Variants in ESYT3 observed in about 807,000 individuals in gnomAD.
The protein encoded by ESYT3 is extended synaptotagmin 3.
A neutral mutation model predicts 111.5 loss-of-function variants in ESYT3; 101 were observed. The ratio of observed to expected loss-of-function variants is 0.91; its 90% CI spans 0.77 to 1.07. The LOEUF (loss-of-function observed/expected upper bound fraction) is 1.07, where lower values mean the gene tolerates loss of function less well. ESYT3 is among the 50% of genes least tolerant of loss of function. The pLI, the probability that ESYT3 is intolerant of heterozygous loss-of-function variation, is 0.00. For missense variants in ESYT3, 1,097 were observed against 1,109.4 expected (o/e 0.99, Z 0.16); for synonymous variants, 416 against 446.8 (o/e 0.93, Z 0.87).
chr3:138,474,183 CTTTTTT>C lies in ESYT3; in HGVS notation c.2337-31_2337-26del, dbSNP rs750997203. On this transcript the variant is annotated intron_variant, in intron 19 of 22. Transcript: ENST00000389567. ...TGTTCAGTGTTTGAAAACCAGGGCCCTTTTTTTTTTTTCCTAATGTCTTTGACACCA... is the reference window on the plus strand; with the variant it reads ...TGTTCAGTGTTTGAAAACCAGGGCCCTTTTTTCCTAATGTCTTTGACACCA... 5.7e-6 allele frequency: 7 copies of C among 1,222,934 alleles called. No individual in the cohort carries two copies. In the East Asian group the frequency reaches 2.0e-4, roughly 34 times the overall value. The allele number at this position is 1,222,934 out of a possible 1,614,324, so 75.8% of individuals were successfully genotyped here. A position where few individuals can be genotyped will look rare whatever the true frequency, so the allele number is the denominator to read the frequency against.
intron 1 of ESYT3, among the ~76,000 whole-genome samples, chr3:138,448,453 C>CA (rs2031704614): frequency 6.6e-6 from 1 of 151,020 alleles, no homozygotes; most frequent in African/African-American, 2.5e-5. Flanking sequence ...AGTAGATTCC[C>CA]AAGTCAAGGA....
At chr3:138,471,814 G>C (rs1314614394) in intron 17 of ESYT3, among the ~76,000 whole-genome samples, 2 of 152,148 alleles carry the variant, frequency 1.3e-5, no homozygotes, top group Non-Finnish European at 2.9e-5. Flanking sequence ...GATCCCATAG[G>C]TAGCTCATAT....
At chr3:138,465,490 C>A in intron 10 of ESYT3, 69 bp downstream of exon 10, 1 of 1,269,176 alleles carries the variant, frequency 7.9e-7, no homozygotes, top group Non-Finnish European at 1.1e-6. Flanking sequence ...GGGCTAGATA[C>A]CCTGCTCCTA....
intron 17 of ESYT3, 151 bp from the exon 18 acceptor site, chr3:138,472,212 T>A: frequency 1.0e-6 from 1 of 1,001,674 alleles, no homozygotes; most frequent in East Asian, 2.4e-5. Context: ...TTTCAGAATA[T>A]TTGGAACACC....
Position 138,477,938 on chromosome 3 carries a change from GTTACTCTTATTC to G in ESYT3, c.*1085_*1096del. 6.6e-6 allele frequency: 1 copy of G among 152,250 alleles called. No individual in the cohort carries two copies. The highest frequency in any genetic ancestry group is 6.5e-5 in the Admixed American group (1 of 15,290). The allele number at this position is 152,250 out of a possible 1,614,324, so 9.4% of individuals were successfully genotyped here. A position where few individuals can be genotyped will look rare whatever the true frequency, so the allele number is the denominator to read the frequency against. ...ACATTCGAGAACAAAGTTTTGTCAT[GTTACTCTTATTC>G]CAGTTTCCTGCCATCTGATTCACAT... On this transcript the variant is annotated 3_prime_UTR_variant, in exon 23 of 23. Transcript: ENST00000389567.
intron 18 of ESYT3, 59 bp downstream of exon 18, chr3:138,472,918 G>GA: frequency 2.4e-5 from 37 of 1,549,746 alleles, no homozygotes; most frequent in Non-Finnish European, 3.1e-5. Context: ...TACCTCGCTG[G>GA]ATGGAAAAGT....
rs371839516 is a variant in ESYT3, at chr3:138,464,310, A to G, written c.916-35A>G. The stretch of plus-strand genomic sequence containing the variant: ...ACTCCAGGACTTGGAGGCCCCAGGA[A>G]GCAGCTGTGAGCCCTGGGCTTGGAC... On this transcript the variant is annotated intron_variant, in intron 8 of 22. Transcript: ENST00000389567. 1.3e-4 allele frequency: 206 copies of G among 1,609,834 alleles called. No individual in the cohort carries two copies. The African/African-American group carries it at 2.5e-3, about 20-fold the overall frequency.
chr3:138,468,097 C>A lies in ESYT3; in HGVS notation c.1219-8C>A. ...CTTTTCCCTGAGCTTTCTGCCCCTA[C>A]CCCACAGTGGTTTGTCCTGAATGAC... On this transcript the variant is annotated splice_region_variant and splice_polypyrimidine_tract_variant and intron_variant, in intron 11 of 22. Transcript: ENST00000389567. The A allele has an allele frequency of 1.2e-6, 2 of 1,614,034 alleles. No homozygotes were observed. Among genetic ancestry groups the A allele is most frequent in the African/African-American group, 2.7e-5 (2 of 75,028 alleles).
At chr3:138,452,415 C>T (rs1457197388) in intron 2 of ESYT3, among the ~76,000 whole-genome samples, 5 of 152,188 alleles carry the variant, frequency 3.3e-5, no homozygotes, top group Non-Finnish European at 7.3e-5. Context: ...CTGGACACTG[C>T]CTGGTTTCCT....
At chr3:138,448,600 C>G (rs1292486483) in intron 1 of ESYT3, among the ~76,000 whole-genome samples, 2 of 152,082 alleles carry the variant, frequency 1.3e-5, no homozygotes, top group African/African-American at 4.8e-5. Context: ...TGAAAGCCAA[C>G]AGATGAAAAT....
rs1459647623 is a variant in ESYT3 at position 138,434,648 on chromosome 3, A to T, written c.-151A>T. ...CAGGCGCTGCTCTCCGTCGCAGAGAACCCTGAGCTCGGCGCGCCGAGAGTC... is the reference window on the plus strand; with the variant it reads ...CAGGCGCTGCTCTCCGTCGCAGAGATCCCTGAGCTCGGCGCGCCGAGAGTC... On this transcript the variant is annotated 5_prime_UTR_variant, in exon 1 of 23. Coordinates refer to ENST00000389567, the MANE Select transcript of ESYT3 (RefSeq NM_031913.5). The T allele has an allele frequency of 1.4e-6, 1 of 692,070 alleles. No homozygotes were observed. The highest frequency in any genetic ancestry group is 3.0e-5 in the East Asian group (1 of 33,414). 42.9% of individuals were successfully genotyped at this position (692,070 alleles called of 1,614,324 possible).
rs549514330 is a variant in ESYT3 at position 138,479,765 on chromosome 3, T to A, written c.*2911T>A. On this transcript the variant is annotated 3_prime_UTR_variant, in exon 23 of 23. Transcript: ENST00000389567. ...ATGGCTGCCAGCGGAAATCTAAATC[T>A]CAGCCTGGTAGGGAGGCACTTAGTT... The A allele has an allele frequency of 5.9e-5, 9 of 152,190 alleles. No individual in the cohort carries two copies. Among genetic ancestry groups the A allele is most frequent in the Non-Finnish European group, 1.0e-4 (7 of 68,026 alleles). 9.4% of individuals were successfully genotyped at this position (152,190 alleles called of 1,614,324 possible).
chr3:138,462,185 C>T lies in ESYT3; in HGVS notation c.894C>T (p.Asn298=), dbSNP rs1412744469. The T allele has an allele frequency of 6.2e-7, 1 of 1,614,114 alleles. No individual in the cohort carries two copies. Among genetic ancestry groups the T allele is most frequent in the African/African-American group, 1.3e-5 (1 of 74,944 alleles). ...TGAAGAAGGGGCTGGATCTGACCAA[C>T]CTGCGCTTCCCTCTGCCCTGTGTGA... ...VPVKKGLDLT[N]LRFPLPCGVI... is the part of the protein sequence containing the mutation. Residue 298 remains asparagine, a synonymous_variant, in exon 8 of 23, where the codon AAC becomes AAT. Transcript: ENST00000389567.
At chr3:138,470,272 G>C in intron 16 of ESYT3, 126 bp downstream of exon 16, 1 of 1,392,808 alleles carries the variant, frequency 7.2e-7, no homozygotes, top group African/African-American at 1.4e-5. Context: ...TTGTATGTAA[G>C]AGAGGACACT....
At chr3:138,444,878 C>T (rs1301596387) in intron 1 of ESYT3, among the ~76,000 whole-genome samples, 1 of 152,194 alleles carries the variant, frequency 6.6e-6, no homozygotes, top group Non-Finnish European at 1.5e-5. Context: ...GAAACCCAGG[C>T]TGTGACTTTC....
chr3:138,448,538 A>G (rs558585154), intron 1 of ESYT3, among the ~76,000 whole-genome samples: 3 of 152,250 alleles, frequency 2.0e-5, no homozygotes, highest in African/African-American at 7.2e-5. Context: ...AAAAAATTGT[A>G]TCTTTGTCTC....
Position 138,471,447 on chromosome 3 carries a change from A to G in ESYT3, c.1740+421A>G, listed in dbSNP as rs557895178. 3.3e-5 allele frequency among the ~76,000 whole-genome samples: 5 copies of G among 151,992 alleles called. No individual in the cohort carries two copies. The East Asian group carries it at 9.7e-4, about 29-fold the overall frequency. Reference sequence around the variant, plus strand: ...TTTTCAATGGTGGTTTTTCATTTCTATTTTTATCTTTTCCAAATCTATTTG... The same window carrying G: ...TTTTCAATGGTGGTTTTTCATTTCTGTTTTTATCTTTTCCAAATCTATTTG... On this transcript the variant is annotated intron_variant, in intron 17 of 22. Coordinates refer to ENST00000389567, the MANE Select transcript of ESYT3 (RefSeq NM_031913.5).
At position 138,443,724 on chromosome 3, in the gene ESYT3, GTGTT is replaced by G. The variant is rs1252469472; in HGVS notation, c.328-8320_328-8317del. 9.1e-5 allele frequency among the ~76,000 whole-genome samples: 10 copies of G among 109,860 alleles called. No individual in the cohort carries two copies. In the Admixed American group the frequency reaches 9.7e-4, roughly 11 times the overall value. The allele number at this position is 109,860 out of a possible 152,430, so 72.1% of individuals were successfully genotyped here. ...TGTCTGCGTGTGTGTCCACACATCT[GTGTT>G]TGTGCATCTGTGTGTGTGTGTGTGT... On this transcript the variant is annotated intron_variant, in intron 1 of 22. Transcript: ENST00000389567.
chr3:138,468,909 A>C, intron 14 of ESYT3, 28 bp downstream of exon 14: 1 of 1,612,264 alleles, frequency 6.2e-7, no homozygotes, highest in Non-Finnish European at 8.5e-7. Flanking sequence ...TAAAAACTCC[A>C]GGGAGGGCAA....
Sources: allele counts gnomAD v4.1 joint callset (sites outside exome capture counted in the v4.1 genomes callset), GRCh38; gene constraint gnomAD v4.1.1; transcripts MANE v1.5; gene names NCBI Gene and HGNC (gene_info 2026-07-23, HGNC 2026-07-21).